The following GREM2 variants were observed in gnomAD, a reference collection of about 807,000 sequenced individuals.
The protein encoded by GREM2 is gremlin 2, DAN family BMP antagonist.
In GREM2, 11 loss-of-function variants were observed where a neutral mutation model predicts 14.2. That is an observed-to-expected ratio of 0.78 (90% CI 0.49 to 1.28). The LOEUF (loss-of-function observed/expected upper bound fraction) is 1.28, where lower values mean the gene tolerates loss of function less well. GREM2 is among the 50% of genes most tolerant of loss of function. GREM2 has a pLI of 0.00. For synonymous variants in GREM2, 98 were observed against 97.6 expected (o/e 1.00, Z -0.02); for missense variants, 210 against 218.5 (o/e 0.96, Z 0.24).
chr1:240,526,595 T>C (rs2103309384), intron 1 of GREM2, among the ~76,000 whole-genome samples: 1 of 152,278 alleles, frequency 6.6e-6, no homozygotes, highest in East Asian at 1.9e-4. Flanking sequence ...AGAAGTACTT[T>C]GATTTAAATA....
At chr1:240,512,928 C>G (rs560668477) in intron 1 of GREM2, among the ~76,000 whole-genome samples, 2 of 152,180 alleles carry the variant, frequency 1.3e-5, no homozygotes, top group Non-Finnish European at 2.9e-5. Context: ...TCAACACATA[C>G]TTATTGTGAG....
chr1:240,600,309 G>GA (rs928585678), intron 1 of GREM2, among the ~76,000 whole-genome samples: 23 of 151,896 alleles, frequency 1.5e-4, no homozygotes, highest in Middle Eastern at 3.4e-3. Context: ...GGAGAAAGCA[G>GA]AAAAAAAATC....
At chr1:240,521,343 C>A (rs554983297) in intron 1 of GREM2, among the ~76,000 whole-genome samples, 2 of 152,050 alleles carry the variant, frequency 1.3e-5, no homozygotes, top group Non-Finnish European at 2.9e-5. Context: ...CCGAAGTGGG[C>A]GGATCACGAG....
chr1:240,570,927 G>T (rs1214409221), intron 1 of GREM2, among the ~76,000 whole-genome samples: 1 of 152,176 alleles, frequency 6.6e-6, no homozygotes, highest in Non-Finnish European at 1.5e-5. Context: ...CTGACTCTGT[G>T]ACTTAGGCAG....
chr1:240,584,404 A>G (rs991361841), intron 1 of GREM2, among the ~76,000 whole-genome samples: 9 of 151,748 alleles, frequency 5.9e-5, no homozygotes, highest in Non-Finnish European at 1.3e-4. Context: ...CTGAGGCAGA[A>G]GAATTGTTTT....
chr1:240,544,077 A>C (rs577776118), intron 1 of GREM2, among the ~76,000 whole-genome samples: 22 of 152,136 alleles, frequency 1.4e-4, no homozygotes, highest in Non-Finnish European at 3.2e-4. Context: ...ACACTGTACT[A>C]GCTATTATAA....
chr1:240,506,886 G>C (rs1677685880), intron 1 of GREM2, among the ~76,000 whole-genome samples: 1 of 152,208 alleles, frequency 6.6e-6, no homozygotes, highest in South Asian at 2.1e-4. Flanking sequence ...CCTGAGCTAA[G>C]TGGTGATGGG....
chr1:240,546,246 G>A (rs908304457), intron 1 of GREM2, among the ~76,000 whole-genome samples: 3 of 152,020 alleles, frequency 2.0e-5, no homozygotes, highest in Admixed American at 6.5e-5. Context: ...GGCTGAGGCA[G>A]GAGAATCTCT....
At chr1:240,535,090 C>T (rs1211963786) in intron 1 of GREM2, among the ~76,000 whole-genome samples, 2 of 151,916 alleles carry the variant, frequency 1.3e-5, no homozygotes, top group South Asian at 4.2e-4. Context: ...AGATTTGAGT[C>T]TATAACATAG....
chr1:240,531,476 A>G (rs1647085277), intron 1 of GREM2, among the ~76,000 whole-genome samples: 1 of 152,218 alleles, frequency 6.6e-6, no homozygotes, highest in African/African-American at 2.4e-5. Flanking sequence ...AGTTGCTGCA[A>G]TTTTAATCAG....
intron 1 of GREM2, among the ~76,000 whole-genome samples, chr1:240,546,883 AG>A (rs1176857606): frequency 2.0e-5 from 3 of 152,124 alleles, no homozygotes; most frequent in Non-Finnish European, 4.4e-5. Flanking sequence ...TAAAAAAAAA[AG>A]AATGTTTGCT....
intron 1 of GREM2, among the ~76,000 whole-genome samples, chr1:240,564,004 G>A (rs944437833): frequency 1.3e-5 from 2 of 152,176 alleles, no homozygotes; most frequent in Non-Finnish European, 2.9e-5. Flanking sequence ...GAGCCCAGGA[G>A]TTCAAGGCCA....
chr1:240,523,720 T>C (rs1678157455), intron 1 of GREM2, among the ~76,000 whole-genome samples: 1 of 152,158 alleles, frequency 6.6e-6, no homozygotes, highest in Admixed American at 6.6e-5. Flanking sequence ...CAATGAAAAA[T>C]CTTACACATG....
chr1:240,603,028 G>T (rs368820625), intron 1 of GREM2, among the ~76,000 whole-genome samples: 1 of 151,038 alleles, frequency 6.6e-6, no homozygotes, highest in Admixed American at 6.6e-5. Context: ...AGCTGAGATC[G>T]CACCATTGCA....
Position 240,492,140 on chromosome 1 carries a change from A to G in GREM2, c.*829T>C. On this transcript the variant is annotated 3_prime_UTR_variant, in exon 2 of 2. Coordinates refer to ENST00000318160, the MANE Select transcript of GREM2 (RefSeq NM_022469.4). ...CTATAATACTTTTTAACAGCTCTTT[A>G]CAATATACGGTCACTTATAAAACCA... 2.6e-6 allele frequency: 1 copy of G among 384,626 alleles called. No individual in the cohort carries two copies. The highest frequency in any genetic ancestry group is 1.9e-5 in the South Asian group (1 of 54,030). 23.8% of individuals were successfully genotyped at this position (384,626 alleles called of 1,614,324 possible). A position where few individuals can be genotyped will look rare whatever the true frequency, so the allele number is the denominator to read the frequency against.
intron 1 of GREM2, among the ~76,000 whole-genome samples, chr1:240,580,594 T>C (rs556812951): frequency 1.3e-5 from 2 of 152,298 alleles, no homozygotes; most frequent in South Asian, 4.1e-4. Context: ...CCTTCCTTCC[T>C]GACAGCGTCT....
At chr1:240,561,872 TAAG>T (rs963412587) in intron 1 of GREM2, among the ~76,000 whole-genome samples, 13 of 152,280 alleles carry the variant, frequency 8.5e-5, no homozygotes, top group African/African-American at 2.9e-4. Context: ...ATACTTAGAA[TAAG>T]AAGCTTTTCC....
At chr1:240,505,869 T>C (rs1223383477) in intron 1 of GREM2, among the ~76,000 whole-genome samples, 1 of 152,070 alleles carries the variant, frequency 6.6e-6, no homozygotes, top group Non-Finnish European at 1.5e-5. Flanking sequence ...AAATTTCCTT[T>C]AGGGAGTATT....
chr1:240,600,554 G>C (rs988656756), intron 1 of GREM2, among the ~76,000 whole-genome samples: 1 of 152,022 alleles, frequency 6.6e-6, no homozygotes. Flanking sequence ...CACGGTCTCG[G>C]CTCACTACAA....
Sources: gnomAD v4.1 joint callset for allele counts (sites outside exome capture counted in the v4.1 genomes callset) on GRCh38, gnomAD v4.1.1 for gene constraint, MANE v1.5 for transcripts, NCBI Gene and HGNC (gene_info 2026-07-23, HGNC 2026-07-21) for gene names.